SAMD4B: variants seen among roughly 807,000 people sequenced by gnomAD.
SAMD4B encodes sterile alpha motif domain containing 4B, also known as protein Smaug homolog 2.
A neutral mutation model predicts 74.5 loss-of-function variants in SAMD4B; 5 were observed. That is an observed-to-expected ratio of 0.07 (90% CI 0.04 to 0.14). The LOEUF (loss-of-function observed/expected upper bound fraction) is 0.14. SAMD4B is among the 10% of genes least tolerant of loss of function. The pLI is 1.00. For synonymous variants in SAMD4B, 373 were observed against 374.9 expected, an observed-to-expected ratio of 1.00 and a Z score of 0.06; for missense variants, 608 against 921.8, an observed-to-expected ratio of 0.66 and a Z score of 4.41.
downstream of SAMD4B, chr19:39,385,957 A>G (rs1383859786): frequency 6.2e-7 from 1 of 1,611,178 alleles, no homozygotes; most frequent in South Asian, 1.1e-5. Context: ...GCTCACAATA[A>G]TGGTGTCTGA....
intron 1 of SAMD4B, among the ~76,000 whole-genome samples, chr19:39,344,805 T>C (rs1035977942): frequency 6.6e-6 from 1 of 152,160 alleles, no homozygotes; most frequent in Non-Finnish European, 1.5e-5. Context: ...TCCGAGATCT[T>C]TCTTTCAGAC....
intron 3 of SAMD4B, 120 bp downstream of exon 3, chr19:39,357,209 G>A (rs1240200290): frequency 2.5e-6 from 2 of 793,154 alleles, no homozygotes; most frequent in African/African-American, 1.8e-5. Flanking sequence ...GGCTTGGTGG[G>A]TGGGGAGTTC....
At chr19:39,390,245 C>T (rs781473724), downstream of SAMD4B, 6 of 1,613,846 alleles carry the variant, frequency 3.7e-6, no homozygotes, top group Admixed American at 8.3e-5. Context: ...CCTGGGAAAG[C>T]ACAGTGGGGC....
At chr19:39,377,905 C>A in intron 8 of SAMD4B, 81 bp downstream of exon 8, 1 of 1,334,796 alleles carries the variant, frequency 7.5e-7, no homozygotes, top group Non-Finnish European at 1.0e-6. Context: ...AATCCAAGTT[C>A]GATGGTGGGA....
rs778872761 is a variant in SAMD4B, at chr19:39,380,734, C to G, written c.1797C>G (p.Val599=). 7.5e-6 allele frequency: 12 copies of G among 1,601,896 alleles called. No homozygotes were observed. Among genetic ancestry groups the G allele is most frequent in the Non-Finnish European group, 1.0e-5 (12 of 1,173,794 alleles). ...TGAGCCCCTCGGGCATTGGGGGTGTCTCCCCTCGACATGCCCTCACCAGCC... is the reference window on the plus strand; with the variant it reads ...TGAGCCCCTCGGGCATTGGGGGTGTGTCCCCTCGACATGCCCTCACCAGCC... ...GLLSPSGIGG[V]SPRHALTSPS... The change falls in exon 11 of 14, where the codon GTC becomes GTG. Residue 599 remains valine, a synonymous_variant. Transcript: ENST00000610417.
At chr19:39,361,597 C>T (rs1396235403) in intron 3 of SAMD4B, among the ~76,000 whole-genome samples, 1 of 148,356 alleles carries the variant, frequency 6.7e-6, no homozygotes, top group African/African-American at 2.5e-5. Context: ...GCCTGGGCAA[C>T]AGAGTGAGAC....
chr19:39,390,040 T>C, downstream of SAMD4B: 1 of 1,560,470 alleles, frequency 6.4e-7, no homozygotes, highest in South Asian at 1.1e-5. Context: ...AACTCATACC[T>C]GAGTAGTTTT....
chr19:39,385,231 C>G lies in SAMD4B; in HGVS notation c.*1704C>G, dbSNP rs2078215643. Reference sequence around the variant, plus strand: ...CAATCTCCCAGGGCTTCTCCAGTCCCCCTCCCACTAGCTGCAGGAAGTGGG... The same window carrying G: ...CAATCTCCCAGGGCTTCTCCAGTCCGCCTCCCACTAGCTGCAGGAAGTGGG... On this transcript the variant is annotated 3_prime_UTR_variant, in exon 14 of 14. Transcript: ENST00000610417. The G allele has an allele frequency of 3.6e-6, 1 of 276,314 alleles. No homozygotes were observed. Among genetic ancestry groups the G allele is most frequent in the South Asian group, 1.7e-4 (1 of 5,972 alleles). 17.1% of individuals were successfully genotyped at this position (276,314 alleles called of 1,614,324 possible).
At chr19:39,363,323 C>T (rs1199916485) in intron 3 of SAMD4B, among the ~76,000 whole-genome samples, 1 of 152,148 alleles carries the variant, frequency 6.6e-6, no homozygotes, top group Non-Finnish European at 1.5e-5. Context: ...TTCCCCAGCC[C>T]CTTCCCCCAT....
chr19:39,389,550 G>A, downstream of SAMD4B: 1 of 1,614,202 alleles, frequency 6.2e-7, no homozygotes, highest in Non-Finnish European at 8.5e-7. The surrounding 1 kb of genome is among the most constrained non-coding windows in gnomAD (Gnocchi z 5.3). Context: ...AGAAGAACTA[G>A]AGGAGAGCGG....
At chr19:39,386,137 T>C, downstream of SAMD4B, 1 of 1,614,178 alleles carries the variant, frequency 6.2e-7, no homozygotes, top group Non-Finnish European at 8.5e-7. The surrounding 1 kb of genome is among the most constrained non-coding windows in gnomAD (Gnocchi z 6.1). Flanking sequence ...TTGCTGCCGC[T>C]GTCTGAATCA....
At chr19:39,388,065 C>T (rs2078291802), downstream of SAMD4B, among the ~76,000 whole-genome samples, 1 of 152,252 alleles carries the variant, frequency 6.6e-6, no homozygotes, top group East Asian at 1.9e-4. Context: ...CACTTGAACC[C>T]AGGAAGCGGA....
In SAMD4B at chr19:39,385,646, T is replaced by C; in HGVS notation, c.*2119T>C. The C allele has an allele frequency of 2.0e-6, 1 of 510,968 alleles. No individual in the cohort carries two copies. The highest frequency in any genetic ancestry group is 3.4e-5 in the South Asian group (1 of 29,178). The allele number at this position is 510,968 out of a possible 1,614,324, so 31.7% of individuals were successfully genotyped here. ...AAGACTTATTTGTTGGAGTTTCACT[T>C]GTTTAATGGTCTGGGCTTATTTTGG... On this transcript the variant is annotated 3_prime_UTR_variant, in exon 14 of 14. Transcript: ENST00000610417.
chr19:39,358,529 C>T (rs928960083), intron 3 of SAMD4B, among the ~76,000 whole-genome samples: 8 of 151,568 alleles, frequency 5.3e-5, no homozygotes, highest in Admixed American at 3.3e-4. Context: ...GGATTACAGG[C>T]ATGAGCCACC....
chr19:39,381,154 C>T (rs769963807), intron 12 of SAMD4B, 41 bp downstream of exon 12: 12 of 1,534,620 alleles, frequency 7.8e-6, no homozygotes, highest in Non-Finnish European at 9.6e-6. Flanking sequence ...GGCCAACATC[C>T]TCAGCTGACC....
At chr19:39,388,532 C>T, downstream of SAMD4B, 1 of 1,613,570 alleles carries the variant, frequency 6.2e-7, no homozygotes, top group Non-Finnish European at 8.5e-7. Context: ...ACTTCCCAAT[C>T]CCCAAAACTT....
chr19:39,365,069 C>G (rs1052032258), intron 3 of SAMD4B, among the ~76,000 whole-genome samples: 5 of 150,722 alleles, frequency 3.3e-5, no homozygotes, highest in Non-Finnish European at 5.9e-5. Flanking sequence ...GAAACCCCAT[C>G]TCTACTAAAA....
At position 39,383,699 on chromosome 19, in the gene SAMD4B, C is replaced by A; in HGVS notation, c.*172C>A. 1 of 1,541,976 alleles carries A rather than the reference C, an allele frequency of 6.5e-7. No homozygotes were observed. The highest frequency in any genetic ancestry group is 8.7e-7 in the Non-Finnish European group (1 of 1,149,094). ...GTTTAACATTGGCACATGCCTTGCT[C>A]ACTCCCAGGCCCGTCGAGGGATCTC... On this transcript the variant is annotated 3_prime_UTR_variant, in exon 14 of 14. Transcript: ENST00000610417. The surrounding 1 kb of genome is among the most constrained non-coding windows in gnomAD (Gnocchi z 4.1).
intron 1 of SAMD4B, among the ~76,000 whole-genome samples, chr19:39,348,967 G>C (rs2075859783): frequency 6.6e-6 from 1 of 152,180 alleles, no homozygotes; most frequent in Non-Finnish European, 1.5e-5. Context: ...ATTATTTTCT[G>C]TCTTCCTTCT....
Sources: gnomAD v4.1 joint callset for allele counts (sites outside exome capture counted in the v4.1 genomes callset) on GRCh38, gnomAD v4.1.1 for gene constraint, Gnocchi (gnomAD v3.1) non-coding constraint, MANE v1.5 for transcripts, NCBI Gene and HGNC (gene_info 2026-07-23, HGNC 2026-07-21) for gene names.